Variants in KAZN observed in about 807,000 individuals in gnomAD.
KAZN encodes kazrin, periplakin interacting protein, also known as kazrin.
Under a neutral mutation model 87.4 loss-of-function variants are expected in KAZN, and 40 were observed. The ratio of observed to expected loss-of-function variants is 0.46; its 90% CI spans 0.36 to 0.60. The LOEUF (loss-of-function observed/expected upper bound fraction) is 0.60. KAZN is among the 20% of genes least tolerant of loss of function. The probability of loss-of-function intolerance (pLI) is 0.00; values close to 1 mark genes in which losing one functional copy is unlikely to be tolerated. For synonymous variants in KAZN, 466 were observed against 458.3 expected (o/e 1.02, Z -0.22); for missense variants, 898 against 1,073.9 (o/e 0.84, Z 2.29).
At chr1:14,291,351 T>C (rs1653677076) in intron 2 of KAZN, among the ~76,000 whole-genome samples, 1 of 152,204 alleles carries the variant, frequency 6.6e-6, no homozygotes, top group African/African-American at 2.4e-5. Context: ...CAGTTCGAGC[T>C]TCCCTGGCCG....
intron 2 of KAZN, among the ~76,000 whole-genome samples, chr1:14,458,235 A>T (rs979931804): frequency 5.3e-5 from 8 of 152,230 alleles, no homozygotes; most frequent in Non-Finnish European, 8.8e-5. Flanking sequence ...GCTATAAAAA[A>T]TTCTAATGGT....
At chr1:14,761,700 G>A (rs1290171822) in intron 1 of KAZN, among the ~76,000 whole-genome samples, 3 of 152,052 alleles carry the variant, frequency 2.0e-5, no homozygotes, top group African/African-American at 4.8e-5. Context: ...GCAGTTAAAC[G>A]GAACATCTCA....
intron 2 of KAZN, among the ~76,000 whole-genome samples, chr1:14,244,577 A>C (rs1057239626): frequency 1.3e-5 from 2 of 152,064 alleles, no homozygotes; most frequent in African/African-American, 4.8e-5. Flanking sequence ...TACGGACTAC[A>C]TAGAGGGTGA....
chr1:14,275,700 A>G (rs949539438), intron 2 of KAZN, among the ~76,000 whole-genome samples: 2 of 152,140 alleles, frequency 1.3e-5, no homozygotes, highest in East Asian at 1.9e-4. Context: ...TTTAGAGCCA[A>G]TAGACATTTG....
At chr1:14,712,009 G>A (rs529463206) in intron 1 of KAZN, among the ~76,000 whole-genome samples, 9 of 152,296 alleles carry the variant, frequency 5.9e-5, no homozygotes, top group African/African-American at 1.9e-4. Flanking sequence ...GCATGGTGCA[G>A]GCAATTGAAA....
chr1:14,338,924 T>G (rs1470826087), intron 2 of KAZN, among the ~76,000 whole-genome samples: 1 of 152,192 alleles, frequency 6.6e-6, no homozygotes, highest in Non-Finnish European at 1.5e-5. Flanking sequence ...AGGAGAGCCA[T>G]GATGGAAGGG....
intron 1 of KAZN, among the ~76,000 whole-genome samples, chr1:14,848,535 A>G (rs1408670246): frequency 6.6e-6 from 1 of 152,232 alleles, no homozygotes; most frequent in East Asian, 1.9e-4. Context: ...TGTCGAGGAA[A>G]GCAACAGCTC....
At chr1:14,227,913 G>T (rs1304147592) in intron 2 of KAZN, among the ~76,000 whole-genome samples, 1 of 152,116 alleles carries the variant, frequency 6.6e-6, no homozygotes, top group African/African-American at 2.4e-5. Context: ...TTTGAAAGTT[G>T]TGTGAGACTC....
intron 2 of KAZN, among the ~76,000 whole-genome samples, chr1:14,223,357 G>A (rs1268407046): frequency 1.3e-5 from 2 of 152,192 alleles, no homozygotes; most frequent in African/African-American, 4.8e-5. Flanking sequence ...CACAGGCTGT[G>A]ATCCCAGTGC....
chr1:14,174,489 T>A (rs1399048661), intron 1 of KAZN, among the ~76,000 whole-genome samples: 2 of 152,140 alleles, frequency 1.3e-5, no homozygotes, highest in African/African-American at 4.8e-5. Flanking sequence ...GTTTTGCGGA[T>A]TATACAAGGC....
intron 2 of KAZN, among the ~76,000 whole-genome samples, chr1:14,329,791 A>C (rs150719582): frequency 6.6e-6 from 1 of 152,340 alleles, no homozygotes; most frequent in Non-Finnish European, 1.5e-5. Flanking sequence ...GATAAGCCCG[A>C]GCTGAGGTTA....
chr1:14,757,868 G>T (rs553210068), intron 1 of KAZN, among the ~76,000 whole-genome samples: 1 of 152,192 alleles, frequency 6.6e-6, no homozygotes, highest in East Asian at 1.9e-4. Flanking sequence ...GCCACTATTT[G>T]CTTTCTGTTT....
chr1:14,928,711 C>T (rs546695448), intron 1 of KAZN, among the ~76,000 whole-genome samples: 3 of 152,222 alleles, frequency 2.0e-5, no homozygotes, highest in South Asian at 4.1e-4. Context: ...ACGAAGCTGC[C>T]CACTAGGACC....
chr1:14,527,093 G>A (rs749662068), intron 2 of KAZN, among the ~76,000 whole-genome samples: 15 of 152,156 alleles, frequency 9.9e-5, no homozygotes, highest in Non-Finnish European at 1.8e-4. Flanking sequence ...GTATTATCAT[G>A]TCTCATAGTT....
At chr1:14,616,042 G>T (rs1300936133) in intron 1 of KAZN, among the ~76,000 whole-genome samples, 1 of 152,182 alleles carries the variant, frequency 6.6e-6, no homozygotes, top group East Asian at 1.9e-4. Flanking sequence ...TGGAGAGAAG[G>T]TGGCACCAGA....
chr1:14,030,812 AAATG>A (rs1641294136), intron 1 of KAZN, among the ~76,000 whole-genome samples: 2 of 152,158 alleles, frequency 1.3e-5, no homozygotes, highest in Non-Finnish European at 2.9e-5. Flanking sequence ...TGCTAAAATA[AAATG>A]ACTTTGCAGG....
At chr1:14,237,318 T>C (rs532459131) in intron 2 of KAZN, among the ~76,000 whole-genome samples, 91 of 152,232 alleles carry the variant, frequency 6.0e-4, no homozygotes, top group Non-Finnish European at 1.1e-3. Flanking sequence ...ATTAACATGA[T>C]TGTTAATAGC....
chr1:13,930,917 A>G (rs1194645306), intron 1 of KAZN, among the ~76,000 whole-genome samples: 1 of 152,184 alleles, frequency 6.6e-6, no homozygotes, highest in Non-Finnish European at 1.5e-5. Context: ...TTGGCCTGTC[A>G]AGATAATGCC....
chr1:14,792,630 C>T (rs1467001639), intron 1 of KAZN, among the ~76,000 whole-genome samples: 1 of 152,038 alleles, frequency 6.6e-6, no homozygotes, highest in Non-Finnish European at 1.5e-5. Flanking sequence ...GGGAACAGCA[C>T]AAGGCACAGA....
Sources: gnomAD v4.1 joint callset for allele counts (sites outside exome capture counted in the v4.1 genomes callset) on GRCh38, gnomAD v4.1.1 for gene constraint, MANE v1.5 for transcripts, NCBI Gene and HGNC (gene_info 2026-07-23, HGNC 2026-07-21) for gene names.